Variants in ARB2A observed in about 807,000 individuals in gnomAD.
ARB2A encodes ARB2 cotranscriptional regulator A, also known as cotranscriptional regulator ARB2A.
At chr5:94,028,591 C>T in the ARB2A span, among the ~76,000 whole-genome samples, 2 of 152,340 alleles carry the variant, frequency 1.3e-5, no homozygotes, top group Admixed American at 6.5e-5. Flanking sequence ...CTCCTTCAAG[C>T]TTCCTAAAAC....
chr5:94,054,964 C>A, the ARB2A span, among the ~76,000 whole-genome samples: 2 of 152,074 alleles, frequency 1.3e-5, no homozygotes, highest in South Asian at 4.1e-4. Flanking sequence ...TACCTTTTTG[C>A]TTTTCATGCA....
chr5:93,793,756 G>C, the ARB2A span, among the ~76,000 whole-genome samples: 1 of 152,110 alleles, frequency 6.6e-6, no homozygotes, highest in Non-Finnish European at 1.5e-5. Context: ...AAGGTGTGTC[G>C]TTACAATCAA....
the ARB2A span, among the ~76,000 whole-genome samples, chr5:93,942,732 TAAAA>T: frequency 4.9e-4 from 75 of 151,550 alleles, 1 homozygote; most frequent in African/African-American, 1.8e-3. Flanking sequence ...AAAGAAAAAA[TAAAA>T]CAAAAATAAA....
chr5:94,085,239 T>A, the ARB2A span, among the ~76,000 whole-genome samples: 6 of 152,220 alleles, frequency 3.9e-5, no homozygotes, highest in Non-Finnish European at 8.8e-5. Context: ...TTATTCATTA[T>A]CTGTAACTAC....
At chr5:93,950,683 C>T in the ARB2A span, among the ~76,000 whole-genome samples, 22 of 151,484 alleles carry the variant, frequency 1.5e-4, no homozygotes, top group African/African-American at 1.9e-4. Context: ...CAGTGGCTCA[C>T]GCTGTAATCC....
the ARB2A span, among the ~76,000 whole-genome samples, chr5:93,992,778 C>T: frequency 6.6e-6 from 1 of 151,992 alleles, no homozygotes; most frequent in African/African-American, 2.4e-5. Flanking sequence ...TAGTTTTCAG[C>T]AGTCAGATTG....
chr5:93,780,059 T>C, the ARB2A span, among the ~76,000 whole-genome samples: 1 of 152,226 alleles, frequency 6.6e-6, no homozygotes, highest in Non-Finnish European at 1.5e-5. Context: ...CTGGAGGTAT[T>C]TGGAGATGCT....
At chr5:94,050,252 CTT>C in the ARB2A span, among the ~76,000 whole-genome samples, 18 of 132,568 alleles carry the variant, frequency 1.4e-4, no homozygotes, top group Non-Finnish European at 1.3e-4. Context: ...AAAACAGAAA[CTT>C]TTTTTTTTTT....
chr5:93,940,997 G>C, the ARB2A span, among the ~76,000 whole-genome samples: 1 of 151,994 alleles, frequency 6.6e-6, no homozygotes, highest in Admixed American at 6.6e-5. Context: ...GAAACCACAG[G>C]TATAGTGAGA....
the ARB2A span, among the ~76,000 whole-genome samples, chr5:93,953,472 G>A: frequency 1.3e-5 from 2 of 148,538 alleles, no homozygotes; most frequent in South Asian, 4.4e-4. Flanking sequence ...TGGATTGCCA[G>A]GCAGAAACTC....
the ARB2A span, among the ~76,000 whole-genome samples, chr5:93,927,164 T>C: frequency 6.6e-6 from 1 of 151,228 alleles, no homozygotes; most frequent in African/African-American, 2.4e-5. Flanking sequence ...AAGGAGAAAA[T>C]ACAAAAAGGA....
At chr5:94,003,574 TA>T in the ARB2A span, among the ~76,000 whole-genome samples, 1 of 151,808 alleles carries the variant, frequency 6.6e-6, no homozygotes, top group Non-Finnish European at 1.5e-5. Context: ...ATACTAGCAA[TA>T]AAACACACTG....
the ARB2A span, among the ~76,000 whole-genome samples, chr5:94,037,043 T>C: frequency 6.6e-6 from 1 of 152,192 alleles, no homozygotes; most frequent in Non-Finnish European, 1.5e-5. Context: ...CCCCCACTGA[T>C]TTATGATTGC....
At chr5:93,840,087 C>T in the ARB2A span, among the ~76,000 whole-genome samples, 2 of 151,986 alleles carry the variant, frequency 1.3e-5, no homozygotes. Context: ...TCTCTAGTTC[C>T]TTGAGGTTAG....
At chr5:93,946,165 T>G in the ARB2A span, among the ~76,000 whole-genome samples, 1 of 152,038 alleles carries the variant, frequency 6.6e-6, no homozygotes, top group South Asian at 2.1e-4. Context: ...ACACAGATCA[T>G]TAGATACAGG....
the ARB2A span, among the ~76,000 whole-genome samples, chr5:94,081,218 T>C: frequency 6.6e-6 from 1 of 152,294 alleles, no homozygotes; most frequent in East Asian, 1.9e-4. Flanking sequence ...ACTGGATACC[T>C]GATATATTGC....
the ARB2A span, among the ~76,000 whole-genome samples, chr5:93,926,434 A>G: frequency 6.6e-6 from 1 of 152,020 alleles, no homozygotes; most frequent in African/African-American, 2.4e-5. Context: ...TGCCCGGCCT[A>G]TATTTCCAAT....
At chr5:93,811,419 GC>G in the ARB2A span, among the ~76,000 whole-genome samples, 2 of 152,090 alleles carry the variant, frequency 1.3e-5, no homozygotes, top group Non-Finnish European at 2.9e-5. Flanking sequence ...AAAATTGAAA[GC>G]CTTAGTTGGA....
the ARB2A span, among the ~76,000 whole-genome samples, chr5:93,623,908 T>C: frequency 6.6e-6 from 1 of 152,172 alleles, no homozygotes; most frequent in Non-Finnish European, 1.5e-5. Flanking sequence ...CATTCAGAAG[T>C]TGAATAATTA....
Sources: gnomAD v4.1 joint callset for allele counts (sites outside exome capture counted in the v4.1 genomes callset) on GRCh38, gnomAD v4.1.1 for gene constraint, MANE v1.5 for transcripts, NCBI Gene and HGNC (gene_info 2026-07-23, HGNC 2026-07-21) for gene names.